TM9SF4: variants seen among roughly 807,000 people sequenced by gnomAD.
The protein encoded by TM9SF4 is transmembrane 9 superfamily member 4, also known as dinucleotide oxidase disulfide thiol exchanger 3 superfamily member 4.
TM9SF4 carries 26 observed loss-of-function variants against 90.4 expected under a neutral mutation model. The ratio of observed to expected loss-of-function variants is 0.29; its 90% CI spans 0.21 to 0.40. The LOEUF (loss-of-function observed/expected upper bound fraction) is 0.40, where lower values mean the gene tolerates loss of function less well. Among genes scored for constraint, TM9SF4 ranks in the 10% least tolerant of loss-of-function variants. The pLI is 1.00. For missense variants in TM9SF4, 549 were observed against 834.8 expected, an observed-to-expected ratio of 0.66 and a Z score of 4.22; for synonymous variants, 293 against 315.4, an observed-to-expected ratio of 0.93 and a Z score of 0.75.
chr20:32,148,173 A>G (rs968691637), intron 9 of TM9SF4, among the ~76,000 whole-genome samples: 2 of 152,232 alleles, frequency 1.3e-5, no homozygotes, highest in South Asian at 2.1e-4. Context: ...CAGGAAATTT[A>G]CAGGCAAGAC....
chr20:32,165,595 C>T lies in TM9SF4; in HGVS notation c.*151C>T, dbSNP rs1007222967. ...CTGGATCCTGGGGCTGCGTGGGGGG[C>T]GGGAGGGCCTGTAGATAATCTTGCG... On this transcript the variant is annotated 3_prime_UTR_variant, in exon 18 of 18. Transcript: ENST00000398022. The T allele has an allele frequency of 3.6e-5, 31 of 855,804 alleles. No individual in the cohort carries two copies. The highest frequency in any genetic ancestry group is 8.1e-5 in the East Asian group (3 of 37,184). The allele number at this position is 855,804 out of a possible 1,614,324, so 53.0% of individuals were successfully genotyped here.
chr20:32,158,508 C>CT lies in TM9SF4; in HGVS notation c.1565dup (p.Ser523GlnfsTer70). On this transcript the variant is annotated frameshift_variant, in exon 15 of 18. Coordinates refer to ENST00000398022, the MANE Select transcript of TM9SF4 (RefSeq NM_014742.4). LOFTEE classifies it high-confidence loss of function. ...CCATGTTCATCGAGCTCTTCTTCAT[C>CT]TTCAGTGTGAGTACTGGTGCCTCCC... 1.2e-6 allele frequency: 2 copies of CT among 1,614,178 alleles called. No homozygotes were observed. The highest frequency in any genetic ancestry group is 1.7e-6 in the Non-Finnish European group (2 of 1,180,030).
In TM9SF4 at chr20:32,166,672, G is replaced by T. The variant is rs538648106; in HGVS notation, c.*1228G>T. 6.6e-6 allele frequency: 1 copy of T among 152,366 alleles called. No individual in the cohort carries two copies. The highest frequency in any genetic ancestry group is 2.1e-4 in the South Asian group (1 of 4,836). The allele number at this position is 152,366 out of a possible 1,614,324, so 9.4% of individuals were successfully genotyped here. Reference sequence around the variant, plus strand: ...ACAAGAAGCCAACTTAGAAAGAAGGGTCTCACGTGGCTGGCCTGGCTCCTC... The same window carrying T: ...ACAAGAAGCCAACTTAGAAAGAAGGTTCTCACGTGGCTGGCCTGGCTCCTC... On this transcript the variant is annotated 3_prime_UTR_variant, in exon 18 of 18. Coordinates refer to ENST00000398022, the MANE Select transcript of TM9SF4 (RefSeq NM_014742.4).
At chr20:32,165,181 C>G in intron 17 of TM9SF4, 114 bp from the exon 18 acceptor site, 1 of 1,445,210 alleles carries the variant, frequency 6.9e-7, no homozygotes, top group East Asian at 2.3e-5. Flanking sequence ...GAGCACGCCC[C>G]TTCCCCTGGC....
chr20:32,109,833 C>T, intron 1 of TM9SF4, 78 bp downstream of exon 1: 1 of 1,548,632 alleles, frequency 6.5e-7, no homozygotes, highest in South Asian at 1.2e-5. Context: ...GCACCCCATG[C>T]CTGGCCCTGA....
chr20:32,154,927 C>T (rs569341900), intron 12 of TM9SF4, among the ~76,000 whole-genome samples, 176 bp from the exon 13 acceptor site: 2 of 152,284 alleles, frequency 1.3e-5, no homozygotes, highest in East Asian at 3.9e-4. Context: ...CCTGAGAGGG[C>T]ATAGAACAGA....
chr20:32,110,463 G>A (rs2122291465), intron 1 of TM9SF4, among the ~76,000 whole-genome samples: 1 of 152,224 alleles, frequency 6.6e-6, no homozygotes, highest in East Asian at 1.9e-4. Flanking sequence ...GTAGGGGGAG[G>A]CATGCTAAAA....
intron 3 of TM9SF4, 139 bp from the exon 4 acceptor site, chr20:32,141,358 G>A (rs573353537): frequency 7.1e-6 from 7 of 980,014 alleles, no homozygotes; most frequent in Admixed American, 5.0e-5. Flanking sequence ...AATGGGAAGG[G>A]CATTGGCTGC....
intron 5 of TM9SF4, among the ~76,000 whole-genome samples, chr20:32,142,323 C>T (rs1447789065): frequency 6.6e-6 from 1 of 152,136 alleles, no homozygotes; most frequent in Non-Finnish European, 1.5e-5. Context: ...TTCGTGTGAG[C>T]CCTTCCCAGC....
chr20:32,123,473 C>T (rs2046365890), intron 1 of TM9SF4, among the ~76,000 whole-genome samples: 1 of 128,158 alleles, frequency 7.8e-6, no homozygotes, highest in Non-Finnish European at 1.7e-5. Flanking sequence ...TGTGTTTGGC[C>T]ATTTGAGCTT....
rs560647955 is a variant in TM9SF4 at position 32,118,992 on chromosome 20, G to C, written c.15+9237G>C. Among the ~76,000 whole-genome samples the C allele has an allele frequency of 4.0e-4, 61 of 152,176 alleles. 1 individual carries two copies. In the South Asian group the frequency reaches 6.6e-3, roughly 17 times the overall value. ...AAAAGAGTATTAAAAAGCTATAAAA[G>C]TATCAAAACATTATGTTGTGTGCCT... On this transcript the variant is annotated intron_variant, in intron 1 of 17. Coordinates refer to ENST00000398022, the MANE Select transcript of TM9SF4 (RefSeq NM_014742.4).
At chr20:32,145,037 C>T (rs1380097041) in intron 6 of TM9SF4, 54 bp from the exon 7 acceptor site, 1 of 1,564,704 alleles carries the variant, frequency 6.4e-7, no homozygotes, top group African/African-American at 1.4e-5. Context: ...GGAATAGCCC[C>T]TGGGCAGTGG....
At chr20:32,153,196 A>C (rs960934619) in intron 12 of TM9SF4, among the ~76,000 whole-genome samples, 1 of 152,164 alleles carries the variant, frequency 6.6e-6, no homozygotes, top group Non-Finnish European at 1.5e-5. Context: ...GCTAGGGTTA[A>C]CTGCACATAA....
At chr20:32,117,223 CAAAAAAAA>C (rs34453961) in intron 1 of TM9SF4, among the ~76,000 whole-genome samples, 7 of 68,258 alleles carry the variant, frequency 1.0e-4, no homozygotes, top group African/African-American at 2.3e-4. Context: ...GACTCTGTCT[CAAAAAAAA>C]AAAAAAAAAA....
At position 32,160,119 on chromosome 20, in the gene TM9SF4, G is replaced by A; in HGVS notation, c.1689+8G>A. ...TTCCAGCTGTGTGCAGAGGTGAGGA[G>A]AGCAGGGCCAGGAGGCGGGGGAGGG... On this transcript the variant is annotated splice_region_variant and intron_variant, in intron 16 of 17. Coordinates refer to ENST00000398022, the MANE Select transcript of TM9SF4 (RefSeq NM_014742.4). 6.2e-7 allele frequency: 1 copy of A among 1,614,114 alleles called. No individual in the cohort carries two copies. The highest frequency in any genetic ancestry group is 1.1e-5 in the South Asian group (1 of 91,082).
At position 32,145,365 on chromosome 20, in the gene TM9SF4, C is replaced by T. The variant is rs189316771; in HGVS notation, c.825C>T (p.Asp275=). The change falls in exon 8 of 18, where the codon GAC becomes GAT. Residue 275 remains aspartate (D), a synonymous_variant. Transcript: ENST00000398022. ...GGGACACTTACCTGACCATGAGTGA[C>T]GTCCAGATCCACTGGTTTTCTATCA... ...SRWDTYLTMS[D]VQIHWFSIIN... is the part of the protein sequence containing the mutation. 11 of 1,614,140 alleles carry T rather than the reference C, an allele frequency of 6.8e-6. No homozygotes were observed. The highest frequency in any genetic ancestry group is 6.7e-5 in the African/African-American group (5 of 75,022).
In TM9SF4 at chr20:32,155,104, C is replaced by G. The variant is rs139230140; in HGVS notation, c.1247C>G (p.Thr416Arg). 6.2e-7 allele frequency: 1 copy of G among 1,614,046 alleles called. No individual in the cohort carries two copies. Among genetic ancestry groups the G allele is most frequent in the Non-Finnish European group, 8.5e-7 (1 of 1,179,946 alleles). Reference protein sequence around the residue: ...GHRWKKGAFCTATLYPGVVFG... With the variant: ...GHRWKKGAFCRATLYPGVVFG... The stretch of plus-strand genomic sequence containing the variant: ...TCAACCCGGCCCCTCTTGCTCCAGA[C>G]GGCAACTCTGTACCCTGGTGTGGTT... Residue 416 changes from threonine (T) to arginine (R), a missense_variant and splice_region_variant, in exon 13 of 18, where the codon ACG becomes AGG. This residue lies in a region of TM9SF4 where 495 missense variants were observed against 711.7 expected (regional missense o/e 0.70). Transcript: ENST00000398022.
At chr20:32,163,998 G>C (rs539621065) in intron 17 of TM9SF4, among the ~76,000 whole-genome samples, 1 of 152,058 alleles carries the variant, frequency 6.6e-6, no homozygotes, top group Non-Finnish European at 1.5e-5. Flanking sequence ...CAAGGAACAC[G>C]GTTAAACAAA....
rs200228556 is a variant in TM9SF4, at chr20:32,141,491, C to T, written c.230-6C>T. ...CTCTGAGCTTGATCTGTCTCTCTTA[C>T]GGCAGGAGAGGTGCTGAGAGGGGAC... On this transcript the variant is annotated splice_polypyrimidine_tract_variant and splice_region_variant and intron_variant, in intron 3 of 17. Transcript: ENST00000398022. 1.9e-4 allele frequency: 313 copies of T among 1,613,542 alleles called. 3 individuals carry two copies. The highest frequency in any genetic ancestry group is 1.8e-3 in the South Asian group (160 of 91,006).
Sources: gnomAD v4.1 joint callset for allele counts (sites outside exome capture counted in the v4.1 genomes callset) on GRCh38, gnomAD v4.1.1 for gene constraint, gnomAD v4.1.1 regional missense constraint, MANE v1.5 for transcripts, NCBI Gene and HGNC (gene_info 2026-07-23, HGNC 2026-07-21) for gene names.